The following PCDHGA6 variants were observed in gnomAD, a reference collection of about 807,000 sequenced individuals.
PCDHGA6 encodes the protein protocadherin gamma-A6.
PCDHGA6 carries 41 observed loss-of-function variants against 60.6 expected under a neutral mutation model. That is an observed-to-expected ratio of 0.68 (90% CI 0.53 to 0.88). The LOEUF (loss-of-function observed/expected upper bound fraction) is 0.88, where lower values mean the gene tolerates loss of function less well. PCDHGA6 is among the 40% of genes least tolerant of loss of function. The probability of loss-of-function intolerance (pLI) is 0.00; values close to 1 mark genes in which losing one functional copy is unlikely to be tolerated. For synonymous variants in PCDHGA6, 594 were observed against 524.4 expected, an observed-to-expected ratio of 1.13 and a Z score of -1.81; for missense variants, 1,312 against 1,203.0, an observed-to-expected ratio of 1.09 and a Z score of -1.34.
At chr5:141,417,826 A>T in intron 1 of PCDHGA6, 1 of 1,519,618 alleles carries the variant, frequency 6.6e-7, no homozygotes. Flanking sequence ...CTCCAACTGG[A>T]AAAGCGGGGA....
rs1561869034 is a variant in PCDHGA6 at position 141,433,357 on chromosome 5, G to GT, written c.2424+56850_2424+56851insT. On this transcript the variant is annotated intron_variant, in intron 1 of 3. Transcript: ENST00000517434. ...TACAGGTGCAAGCCACCTACTGTCT[G>GT]CCTATCTATCTATCTATCTATCTAT... 125 of 569,056 alleles carry GT rather than the reference G, an allele frequency of 2.2e-4. No homozygotes were observed. In the African/African-American group the frequency reaches 2.4e-3, roughly 11 times the overall value. The allele number at this position is 569,056 out of a possible 1,614,324, so 35.3% of individuals were successfully genotyped here. A position where few individuals can be genotyped will look rare whatever the true frequency, so the allele number is the denominator to read the frequency against.
intron 1 of PCDHGA6, among the ~76,000 whole-genome samples, chr5:141,482,832 G>A (rs2099573281): frequency 6.6e-6 from 1 of 152,188 alleles, no homozygotes; most frequent in Non-Finnish European, 1.5e-5. Flanking sequence ...AGCACTTTGG[G>A]AGGCCAAGGT....
chr5:141,456,103 T>C lies in PCDHGA6; in HGVS notation c.2425-38704T>C, dbSNP rs185224428. Among the ~76,000 whole-genome samples the C allele has an allele frequency of 2.6e-3, 390 of 152,142 alleles. 3 individuals are homozygous for C. The highest frequency in any genetic ancestry group is 6.7e-3 in the Admixed American group (103 of 15,290). On this transcript the variant is annotated intron_variant, in intron 1 of 3. Coordinates refer to ENST00000517434, the MANE Select transcript of PCDHGA6 (RefSeq NM_018919.3). The stretch of plus-strand genomic sequence containing the variant: ...CAGTAGAGACGGGATTTCACCGTGT[T>C]AGCCAGGATGGTCTCCATCTCCTGA...
chr5:141,394,211 G>A, intron 1 of PCDHGA6: 1 of 1,613,888 alleles, frequency 6.2e-7, no homozygotes, highest in Non-Finnish European at 8.5e-7. Flanking sequence ...AGAACAACCT[G>A]AGAGGAGCCT....
At chr5:141,404,238 C>T (rs764561008) in intron 1 of PCDHGA6, 3 of 1,613,712 alleles carry the variant, frequency 1.9e-6, no homozygotes, top group Non-Finnish European at 2.5e-6. Context: ...GACAGAGGAA[C>T]TCCGCCCCTG....
At chr5:141,478,042 G>A (rs1358652557) in intron 1 of PCDHGA6, 18 of 1,614,152 alleles carry the variant, frequency 1.1e-5, no homozygotes, top group Non-Finnish European at 1.5e-5. Flanking sequence ...CACCCAGGCA[G>A]ACTCTCACGG....
In PCDHGA6 at chr5:141,486,574, C is replaced by T. The variant is rs1435813800; in HGVS notation, c.2425-8233C>T. On this transcript the variant is annotated intron_variant, in intron 1 of 3. Transcript: ENST00000517434. This position sits in a 1 kb window ranked among gnomAD's most constrained non-coding sequence, Gnocchi z 5.0. ...CACATGAGGTGTTTGTTCCTGAGAACAATCGCCCAGGGGACCTGCTTTGCT... is the reference window on the plus strand; with the variant it reads ...CACATGAGGTGTTTGTTCCTGAGAATAATCGCCCAGGGGACCTGCTTTGCT... The T allele has an allele frequency of 1.9e-6, 3 of 1,613,868 alleles. No homozygotes were observed. Among genetic ancestry groups the T allele is most frequent in the Non-Finnish European group, 2.5e-6 (3 of 1,180,002 alleles).
chr5:141,418,807 G>A (rs1400599346), intron 1 of PCDHGA6: 2 of 1,613,650 alleles, frequency 1.2e-6, no homozygotes, highest in African/African-American at 1.3e-5. Context: ...AAAGATATAC[G>A]ATAAACATAG....
chr5:141,485,341 G>C lies in PCDHGA6; in HGVS notation c.2425-9466G>C. 1.2e-6 allele frequency: 2 copies of C among 1,614,118 alleles called. No homozygotes were observed. Among genetic ancestry groups the C allele is most frequent in the Non-Finnish European group, 8.5e-7 (1 of 1,180,022 alleles). ...TCGCTCAAGATTTCCTGCTGGATAC[G>C]GACAGTCTGTCAGCTCGCAGGCTGC... On this transcript the variant is annotated intron_variant, in intron 1 of 3. Coordinates refer to ENST00000517434, the MANE Select transcript of PCDHGA6 (RefSeq NM_018919.3). The surrounding 1 kb of genome is among the most constrained non-coding windows in gnomAD (Gnocchi z 5.7).
intron 1 of PCDHGA6, chr5:141,408,823 T>G: frequency 4.3e-6 from 7 of 1,613,568 alleles, no homozygotes; most frequent in Non-Finnish European, 5.9e-6. Flanking sequence ...AACAGAGATC[T>G]CATAGCTTGA....
chr5:141,453,609 G>A (rs1208329212), intron 1 of PCDHGA6, among the ~76,000 whole-genome samples: 3 of 151,900 alleles, frequency 2.0e-5, no homozygotes, highest in South Asian at 4.2e-4. Context: ...TTTGCAAAAC[G>A]CAAAAACAAA....
At chr5:141,405,038 G>T in intron 1 of PCDHGA6, 1 of 1,613,964 alleles carries the variant, frequency 6.2e-7, no homozygotes, top group Non-Finnish European at 8.5e-7. Flanking sequence ...CCTCGTTGTG[G>T]CTGTGGCAGT....
intron 1 of PCDHGA6, chr5:141,478,670 C>G: frequency 6.4e-7 from 1 of 1,551,664 alleles, no homozygotes; most frequent in East Asian, 2.4e-5. Flanking sequence ...TTCACACTTT[C>G]AACTGGCCCT....
intron 1 of PCDHGA6, chr5:141,393,342 C>T (rs765924046): frequency 6.2e-7 from 1 of 1,613,944 alleles, no homozygotes; most frequent in Admixed American, 1.7e-5. Context: ...CCCCAATCAC[C>T]ACTTCTCCCT....
In PCDHGA6 at chr5:141,376,510, G is replaced by A; in HGVS notation, c.2424+3G>A. ...AAGGAGAACCCAGGCAACTTCAGGT[G>A]AGTTTCTTTCCGCCTAAGCGGGAAG... is the stretch of plus-strand genomic sequence containing the variant. On this transcript the variant is annotated splice_donor_region_variant and intron_variant, in intron 1 of 3. Transcript: ENST00000517434. 1 of 1,614,028 alleles carries A rather than the reference G, an allele frequency of 6.2e-7. No homozygotes were observed. Among genetic ancestry groups the A allele is most frequent in the Non-Finnish European group, 8.5e-7 (1 of 1,179,944 alleles).
At chr5:141,421,523 C>G in intron 1 of PCDHGA6, 1 of 1,614,034 alleles carries the variant, frequency 6.2e-7, no homozygotes, top group Non-Finnish European at 8.5e-7. Context: ...CTCTGTGAGA[C>G]GGTGTCCTCC....
At chr5:141,413,812 C>T in intron 1 of PCDHGA6, 2 of 1,613,144 alleles carry the variant, frequency 1.2e-6, no homozygotes, top group Non-Finnish European at 1.7e-6. Flanking sequence ...GGCCATTCAC[C>T]ACCTGGTCCT....
chr5:141,433,047 C>T (rs1561867159), intron 1 of PCDHGA6: 1 of 1,614,046 alleles, frequency 6.2e-7, no homozygotes, highest in African/African-American at 1.3e-5. Flanking sequence ...ACCACGGACT[C>T]GCGGAAGAGT....
chr5:141,377,799 T>C (rs1774359449), intron 1 of PCDHGA6: 1 of 152,206 alleles, frequency 6.6e-6, no homozygotes, highest in African/African-American at 2.4e-5. Flanking sequence ...TTCCTGTAAC[T>C]ATCTGTTATT....
Sources: allele counts gnomAD v4.1 joint callset (sites outside exome capture counted in the v4.1 genomes callset), GRCh38; gene constraint gnomAD v4.1.1; non-coding constraint Gnocchi (gnomAD v3.1); transcripts MANE v1.5; gene names NCBI Gene and HGNC (gene_info 2026-07-23, HGNC 2026-07-21).